The following POU2F1 variants were observed in gnomAD, a reference collection of about 807,000 sequenced individuals.
POU2F1 encodes POU domain, class 2, transcription factor 1.
A neutral mutation model predicts 84.9 loss-of-function variants in POU2F1; 16 were observed. The ratio of observed to expected loss-of-function variants is 0.19; its 90% CI spans 0.13 to 0.29. The LOEUF is 0.29. Among genes scored for constraint, POU2F1 ranks in the 10% least tolerant of loss-of-function variants. POU2F1 has a pLI of 1.00. For missense variants in POU2F1, 738 were observed against 942.6 expected, an observed-to-expected ratio of 0.78 and a Z score of 2.84; for synonymous variants, 368 against 368.3, an observed-to-expected ratio of 1.00 and a Z score of 0.01.
intron 1 of POU2F1, among the ~76,000 whole-genome samples, chr1:167,320,546 G>A (rs1024509781): frequency 6.6e-6 from 1 of 152,082 alleles, no homozygotes; most frequent in African/African-American, 2.4e-5. Flanking sequence ...TTTGTAAGAG[G>A]GACAATAATT....
intron 2 of POU2F1, among the ~76,000 whole-genome samples, chr1:167,362,344 T>G (rs1261380070): frequency 6.6e-6 from 1 of 152,214 alleles, no homozygotes; most frequent in African/African-American, 2.4e-5. Context: ...TATGAGGTGG[T>G]TAGTCCAGTG....
At chr1:167,357,388 C>CT (rs1659031364) in intron 2 of POU2F1, 1 of 91,046 alleles carries the variant, frequency 1.1e-5, no homozygotes, top group African/African-American at 4.3e-5. Context: ...CACCCCCCCC[C>CT]GCTTCTTTGT....
chr1:167,329,049 CCT>C, intron 1 of POU2F1: 2 of 1,196,602 alleles, frequency 1.7e-6, no homozygotes, highest in Non-Finnish European at 2.1e-6. Flanking sequence ...GACTAAAACT[CCT>C]CTGAGCAACT....
At chr1:167,299,128 A>C (rs767114885) in intron 1 of POU2F1, among the ~76,000 whole-genome samples, 4 of 144,410 alleles carry the variant, frequency 2.8e-5, no homozygotes, top group Admixed American at 7.5e-5. Context: ...GCACCATTGC[A>C]CTCCAGCCTG....
At chr1:167,319,749 C>T (rs951682046) in intron 1 of POU2F1, among the ~76,000 whole-genome samples, 4 of 151,914 alleles carry the variant, frequency 2.6e-5, no homozygotes, top group African/African-American at 7.3e-5. Flanking sequence ...TCTACACATA[C>T]GTGCACATAA....
intron 1 of POU2F1, among the ~76,000 whole-genome samples, chr1:167,252,091 ACCTCAAGTAAT>A (rs1650775715): frequency 2.6e-5 from 4 of 151,780 alleles, no homozygotes; most frequent in Non-Finnish European, 4.4e-5. Context: ...GGAATGCCTG[ACCTCAAGTAAT>A]CCACCTGCCT....
At position 167,423,731 on chromosome 1, in the gene POU2F1, C is replaced by T. The variant is rs1349218116; in HGVS notation, c.*7921C>T. ...CTGTAAAAAACATTGAGGACTGCTG[C>T]AAAGTTTTCCCTTGTTTTCTTTGTG... On this transcript the variant is annotated 3_prime_UTR_variant, in exon 16 of 16. Transcript: ENST00000367866. The T allele has an allele frequency of 6.6e-6, 1 of 152,238 alleles. No homozygotes were observed. The highest frequency in any genetic ancestry group is 2.4e-5 in the African/African-American group (1 of 41,466). 9.4% of individuals were successfully genotyped at this position (152,238 alleles called of 1,614,324 possible). A position where few individuals can be genotyped will look rare whatever the true frequency, so the allele number is the denominator to read the frequency against.
At chr1:167,390,659 C>T (rs913609515) in intron 9 of POU2F1, among the ~76,000 whole-genome samples, 7 of 151,160 alleles carry the variant, frequency 4.6e-5, no homozygotes, top group Admixed American at 2.0e-4. Flanking sequence ...GGTGTGGTGA[C>T]GCATGCCTGT....
chr1:167,401,995 C>A (rs1649245814), intron 13 of POU2F1, among the ~76,000 whole-genome samples: 1 of 152,158 alleles, frequency 6.6e-6, no homozygotes, highest in African/African-American at 2.4e-5. Flanking sequence ...TTTCCATGTA[C>A]CTGTATTATA....
In POU2F1 at chr1:167,383,906, A is replaced by C. The variant is rs762973869; in HGVS notation, c.768A>C (p.Gln256His). 1.2e-6 allele frequency: 2 copies of C among 1,613,748 alleles called. No homozygotes were observed. Among genetic ancestry groups the C allele is most frequent in the African/African-American group, 2.7e-5 (2 of 74,910 alleles). Residue 256 changes from glutamine to histidine, a missense_variant, in exon 8 of 16, where the codon CAA becomes CAC. By Grantham distance (24) the Gln-to-His change is conservative. Around this residue, in one of 4 missense-constraint regions of POU2F1, gnomAD observed 163 missense variants for 214.4 expected, o/e 0.76. Coordinates refer to ENST00000367866, the MANE Select transcript of POU2F1 (RefSeq NM_002697.4). ...TAACGCAACTACCTCAGCAAAGCCAAGCCAACCTCCTACAGTCGCAGCCAA... is the reference window on the plus strand; with the variant it reads ...TAACGCAACTACCTCAGCAAAGCCACGCCAACCTCCTACAGTCGCAGCCAA... ...NLLTQLPQQS[Q>H]ANLLQSQPSI...
intron 6 of POU2F1, 108 bp from the exon 7 acceptor site, chr1:167,375,921 T>A (rs1660295493): frequency 7.4e-7 from 1 of 1,342,932 alleles, no homozygotes. Flanking sequence ...TGCGAAGTAT[T>A]TACTCTTCTT....
At chr1:167,324,859 T>C (rs979319572) in intron 1 of POU2F1, among the ~76,000 whole-genome samples, 13 of 152,180 alleles carry the variant, frequency 8.5e-5, no homozygotes, top group Non-Finnish European at 1.8e-4. Flanking sequence ...GACATTCCGT[T>C]AAGTTATTCT....
chr1:167,396,247 T>C (rs1208176775), intron 9 of POU2F1, 39 bp from the exon 10 acceptor site: 1 of 1,608,722 alleles, frequency 6.2e-7, no homozygotes, highest in Non-Finnish European at 8.5e-7. Context: ...GATAACTCTG[T>C]CTTTCCTCTC....
At chr1:167,249,925 C>T (rs1192020358) in intron 1 of POU2F1, among the ~76,000 whole-genome samples, 2 of 152,152 alleles carry the variant, frequency 1.3e-5, no homozygotes, top group African/African-American at 4.8e-5. Flanking sequence ...ATGGTGTTAC[C>T]TTTGCCCACT....
intron 1 of POU2F1, among the ~76,000 whole-genome samples, chr1:167,272,707 C>T (rs1652461815): frequency 6.6e-6 from 1 of 152,156 alleles, no homozygotes; most frequent in Admixed American, 6.5e-5. Context: ...CCCCCATGAT[C>T]TAGTCACCTC....
chr1:167,233,660 G>A (rs945521400), intron 1 of POU2F1, among the ~76,000 whole-genome samples: 4 of 152,180 alleles, frequency 2.6e-5, no homozygotes, highest in Non-Finnish European at 5.9e-5. Context: ...ATGCATAACT[G>A]CACATACAAT....
intron 1 of POU2F1, among the ~76,000 whole-genome samples, chr1:167,321,513 A>C (rs1441395637): frequency 6.6e-6 from 1 of 152,106 alleles, no homozygotes; most frequent in Non-Finnish European, 1.5e-5. Flanking sequence ...TTCTCCATTT[A>C]CCTCATTTTT....
At chr1:167,271,984 T>C (rs1387414100) in intron 1 of POU2F1, among the ~76,000 whole-genome samples, 3 of 152,216 alleles carry the variant, frequency 2.0e-5, no homozygotes, top group African/African-American at 4.8e-5. Flanking sequence ...CCCATTTGTT[T>C]ATGCATTGTC....
chr1:167,274,803 A>G (rs1383858152), intron 1 of POU2F1, among the ~76,000 whole-genome samples: 1 of 152,188 alleles, frequency 6.6e-6, no homozygotes, highest in Non-Finnish European at 1.5e-5. Context: ...TTGTAAATCC[A>G]GTTCTTGCGA....
Sources: gnomAD v4.1 joint callset for allele counts (sites outside exome capture counted in the v4.1 genomes callset) on GRCh38, gnomAD v4.1.1 for gene constraint, gnomAD v4.1.1 regional missense constraint, MANE v1.5 for transcripts, NCBI Gene and HGNC (gene_info 2026-07-23, HGNC 2026-07-21) for gene names.